Variants in FBXL2 observed in about 807,000 individuals in gnomAD.
FBXL2 encodes F-box and leucine rich repeat protein 2, also known as F-box/LRR-repeat protein 2.
In FBXL2, 38 loss-of-function variants were observed where a neutral mutation model predicts 69.2. That is an observed-to-expected ratio of 0.55 (90% CI 0.42 to 0.72). The LOEUF is 0.72. FBXL2 is among the 30% of genes least tolerant of loss of function. FBXL2 has a pLI of 0.00. For synonymous variants in FBXL2, 192 were observed against 201.3 expected, an observed-to-expected ratio of 0.95 and a Z score of 0.39; for missense variants, 354 against 520.3, an observed-to-expected ratio of 0.68 and a Z score of 3.11.
chr3:33,315,430 C>G (rs2037600244), intron 2 of FBXL2, among the ~76,000 whole-genome samples: 1 of 149,234 alleles, frequency 6.7e-6, no homozygotes, highest in African/African-American at 2.5e-5. Flanking sequence ...TTTGTATTAT[C>G]AATGCAAATG....
chr3:33,373,099 G>A lies in FBXL2; in HGVS notation c.298G>A (p.Ala100Thr). ...GVGDSSLKTF[A>T]QNCRNIEHLN... is the part of the protein sequence containing the mutation. ...AATGTTTTCTCATTTTAGGACCTTTGCACAGAACTGCCGAAACATTGAACA... is the reference window on the plus strand; with the variant it reads ...AATGTTTTCTCATTTTAGGACCTTTACACAGAACTGCCGAAACATTGAACA... Residue 100 changes from alanine to threonine, a missense_variant, in exon 6 of 15, where the codon GCA becomes ACA. By Grantham distance (58) the Ala-to-Thr change is moderately conservative. Coordinates refer to ENST00000484457, the MANE Select transcript of FBXL2 (RefSeq NM_012157.5). 6.2e-7 allele frequency: 1 copy of A among 1,614,170 alleles called. No individual in the cohort carries two copies. Among genetic ancestry groups the A allele is most frequent in the African/African-American group, 1.3e-5 (1 of 75,056 alleles).
At chr3:33,321,698 A>G (rs1420147251) in intron 2 of FBXL2, among the ~76,000 whole-genome samples, 2 of 152,228 alleles carry the variant, frequency 1.3e-5, no homozygotes, top group East Asian at 1.9e-4. Flanking sequence ...CCTATTGCAT[A>G]TCTAGGCTGT....
chr3:33,372,836 C>T (rs2042380745), intron 5 of FBXL2, among the ~76,000 whole-genome samples: 1 of 152,268 alleles, frequency 6.6e-6, no homozygotes, highest in Non-Finnish European at 1.5e-5. Context: ...GATAGGTAGT[C>T]TAGGACTCTG....
intron 2 of FBXL2, among the ~76,000 whole-genome samples, chr3:33,330,910 CACAA>C (rs1025211703): frequency 2.4e-4 from 36 of 147,924 alleles, no homozygotes; most frequent in East Asian, 4.0e-4. Flanking sequence ...CACACACACA[CACAA>C]ACACACACAC....
intron 1 of FBXL2, among the ~76,000 whole-genome samples, chr3:33,295,078 G>T (rs1698456555): frequency 6.6e-6 from 1 of 151,884 alleles, no homozygotes; most frequent in Non-Finnish European, 1.5e-5. Context: ...TTGGTGGATT[G>T]TTTTTTTAAT....
intron 2 of FBXL2, among the ~76,000 whole-genome samples, chr3:33,302,473 G>A (rs1039898387): frequency 3.3e-5 from 5 of 152,118 alleles, no homozygotes; most frequent in African/African-American, 2.4e-5. Flanking sequence ...AATTATAATA[G>A]TAATTTGACT....
At chr3:33,399,027 G>A (rs920033058) in intron 12 of FBXL2, among the ~76,000 whole-genome samples, 4 of 152,236 alleles carry the variant, frequency 2.6e-5, no homozygotes, top group African/African-American at 9.6e-5. Flanking sequence ...ATTACAATAC[G>A]TGGCATAGTA....
At chr3:33,292,345 C>T (rs895017482) in intron 1 of FBXL2, among the ~76,000 whole-genome samples, 1 of 152,142 alleles carries the variant, frequency 6.6e-6, no homozygotes, top group Non-Finnish European at 1.5e-5. Context: ...TGCCACTGCA[C>T]TCCAGCCTGG....
At chr3:33,388,829 A>G (rs1036703316), downstream of FBXL2, 1 of 152,240 alleles carries the variant, frequency 6.6e-6, no homozygotes, top group Non-Finnish European at 1.5e-5. Context: ...TGAATAAAAC[A>G]TAAAATGTCA....
intron 12 of FBXL2, among the ~76,000 whole-genome samples, chr3:33,394,157 T>C (rs1453577550): frequency 1.3e-5 from 2 of 151,080 alleles, no homozygotes; most frequent in African/African-American, 2.4e-5. Context: ...GCTGGGACTA[T>C]GGTGGGGGCA....
intron 2 of FBXL2, among the ~76,000 whole-genome samples, chr3:33,327,595 C>G (rs1331940646): frequency 6.6e-6 from 1 of 151,784 alleles, no homozygotes; most frequent in Non-Finnish European, 1.5e-5. Flanking sequence ...AAAAAGAAGA[C>G]CCAGATAAAA....
intron 2 of FBXL2, among the ~76,000 whole-genome samples, chr3:33,343,149 TTATA>T (rs1167564311): frequency 6.6e-6 from 1 of 151,738 alleles, no homozygotes; most frequent in African/African-American, 2.4e-5. Flanking sequence ...TTCAAAGCAA[TTATA>T]TATATATGAT....
chr3:33,403,378 A>T (rs2044302715), exon 13 of FBXL2: 1 of 200,670 alleles, frequency 5.0e-6, no homozygotes, highest in Admixed American at 5.4e-5. Flanking sequence ...GAGCAGCCTC[A>T]CCAGTACCCA....
At chr3:33,412,508 G>C in the FBXL2 span, among the ~76,000 whole-genome samples, 1 of 150,718 alleles carries the variant, frequency 6.6e-6, no homozygotes, top group African/African-American at 2.4e-5. Context: ...ACTTGAAGAC[G>C]GGAGGTAGAG....
At chr3:33,374,002 C>T in intron 9 of FBXL2, 81 bp downstream of exon 9, 1 of 1,326,002 alleles carries the variant, frequency 7.5e-7, no homozygotes. Flanking sequence ...CCTGCAGCCC[C>T]CTAGGCACCT....
At chr3:33,281,819 G>GT (rs1368374913) in intron 1 of FBXL2, among the ~76,000 whole-genome samples, 5 of 152,006 alleles carry the variant, frequency 3.3e-5, no homozygotes, top group African/African-American at 4.8e-5. Flanking sequence ...TTTTTCATGT[G>GT]TTTTTTGGCT....
At chr3:33,309,231 A>G (rs905683405) in intron 2 of FBXL2, among the ~76,000 whole-genome samples, 3 of 152,066 alleles carry the variant, frequency 2.0e-5, no homozygotes, top group Admixed American at 6.5e-5. Context: ...CCATTTTTAT[A>G]TTGCAGTCTA....
chr3:33,308,853 T>C (rs2036939423), intron 2 of FBXL2, among the ~76,000 whole-genome samples: 2 of 152,204 alleles, frequency 1.3e-5, no homozygotes, highest in Admixed American at 1.3e-4. Context: ...CTTTGACCCA[T>C]TGGTTGTACA....
intron 12 of FBXL2, among the ~76,000 whole-genome samples, chr3:33,398,710 G>A (rs898519531): frequency 5.3e-5 from 8 of 152,196 alleles, no homozygotes; most frequent in Non-Finnish European, 7.4e-5. Context: ...TGCTCACAGC[G>A]AAAGGGATTA....
Sources: allele counts gnomAD v4.1 joint callset (sites outside exome capture counted in the v4.1 genomes callset), GRCh38; gene constraint gnomAD v4.1.1; transcripts MANE v1.5; gene names NCBI Gene and HGNC (gene_info 2026-07-23, HGNC 2026-07-21).